Variants in TMEM120B observed in about 807,000 individuals in gnomAD.
TMEM120B encodes the protein transmembrane protein 120B.
In TMEM120B, 31 loss-of-function variants were observed where a neutral mutation model predicts 55.5. The observed-to-expected ratio is 0.56, with a 90% CI of 0.42 to 0.75. TMEM120B has a LOEUF of 0.75. Among genes scored for constraint, TMEM120B ranks in the 30% least tolerant of loss-of-function variants. The pLI, the probability that TMEM120B is intolerant of heterozygous loss-of-function variation, is 0.00. For missense variants in TMEM120B, 399 were observed against 425.5 expected (o/e 0.94, Z 0.55); for synonymous variants, 203 against 176.3 (o/e 1.15, Z -1.20).
At chr12:121,751,301 A>C (rs573801995) in intron 4 of TMEM120B, among the ~76,000 whole-genome samples, 1 of 31,248 alleles carries the variant, frequency 3.2e-5, no homozygotes, top group East Asian at 8.2e-4. Flanking sequence ...CCCACACCCC[A>C]CACCCACACC....
At chr12:121,725,937 T>C (rs780078927) in intron 1 of TMEM120B, among the ~76,000 whole-genome samples, 1 of 150,350 alleles carries the variant, frequency 6.7e-6, no homozygotes, top group Non-Finnish European at 1.5e-5. Context: ...CTGAGGAGGC[T>C]GAGGCAGGAG....
intron 1 of TMEM120B, among the ~76,000 whole-genome samples, chr12:121,730,612 C>T (rs1286471370): frequency 3.5e-5 from 5 of 144,652 alleles, no homozygotes; most frequent in African/African-American, 1.3e-4. Flanking sequence ...GATCACTCCA[C>T]TGCACTCCAG....
At chr12:121,742,151 C>A (rs898819603) in intron 1 of TMEM120B, among the ~76,000 whole-genome samples, 2 of 151,838 alleles carry the variant, frequency 1.3e-5, no homozygotes, top group Non-Finnish European at 2.9e-5. Context: ...TACAGGCATA[C>A]GCCACCATGC....
In TMEM120B at chr12:121,775,552, GCA is replaced by G; in HGVS notation, c.907-56_907-55del. ...TGCTGGAGATTCTGGGGTGCTGGGG[GCA>G]GGGGTTCAGCAGGGCAGATGCCCCA... is the stretch of plus-strand genomic sequence containing the variant. On this transcript the variant is annotated intron_variant, in intron 11 of 11. Coordinates refer to ENST00000449592, the MANE Select transcript of TMEM120B (RefSeq NM_001080825.2). This position sits in a 1 kb window ranked among gnomAD's most constrained non-coding sequence, Gnocchi z 4.3. 1.9e-6 allele frequency: 3 copies of G among 1,566,374 alleles called. No homozygotes were observed. In the South Asian group the frequency reaches 3.6e-5, roughly 19 times the overall value.
In TMEM120B at chr12:121,737,437, G is replaced by A. The variant is rs1177160887; in HGVS notation, c.70-6192G>A. On this transcript the variant is annotated intron_variant, in intron 1 of 11. Transcript: ENST00000449592. Reference sequence around the variant, plus strand: ...GGAGAATCACTTGAACCTAGGAGGCGGAGGTTGCAGTAAGCCGAGATTGTG... The same window carrying A: ...GGAGAATCACTTGAACCTAGGAGGCAGAGGTTGCAGTAAGCCGAGATTGTG... 8.6e-5 allele frequency among the ~76,000 whole-genome samples: 13 copies of A among 151,970 alleles called. No individual in the cohort carries two copies. The Middle Eastern group carries it at 0.017, about 199-fold the overall frequency.
intron 1 of TMEM120B, 67 bp downstream of exon 1, chr12:121,713,031 C>A (rs1000622514): frequency 2.9e-6 from 4 of 1,366,114 alleles, no homozygotes; most frequent in Admixed American, 3.2e-5. Flanking sequence ...CTTCCTGAGC[C>A]CCCCGGCCCG....
At chr12:121,770,879 G>A in intron 6 of TMEM120B, 28 bp from the exon 7 acceptor site, 1 of 1,612,132 alleles carries the variant, frequency 6.2e-7, no homozygotes, top group Non-Finnish European at 8.5e-7. Flanking sequence ...CCCCTCCTGA[G>A]CACTTTCCGT....
Position 121,771,561 on chromosome 12 carries a change from T to C in TMEM120B, c.679+12T>C. 2 of 1,613,202 alleles carry C rather than the reference T, an allele frequency of 1.2e-6. No individual in the cohort carries two copies. The highest frequency in any genetic ancestry group is 1.7e-6 in the Non-Finnish European group (2 of 1,179,200). Reference sequence around the variant, plus strand: ...TTCCATTTTTCAGAGTGAGTGACTGTTGCCTGGATTTGGGGGAAGGGACAT... The same window carrying C: ...TTCCATTTTTCAGAGTGAGTGACTGCTGCCTGGATTTGGGGGAAGGGACAT... On this transcript the variant is annotated intron_variant, in intron 8 of 11. Coordinates refer to ENST00000449592, the MANE Select transcript of TMEM120B (RefSeq NM_001080825.2).
intron 6 of TMEM120B, among the ~76,000 whole-genome samples, chr12:121,765,467 T>C (rs1873817743): frequency 1.3e-5 from 2 of 152,118 alleles, no homozygotes; most frequent in African/African-American, 4.8e-5. Context: ...ATGGCATATA[T>C]GGTTCAAGGA....
intron 1 of TMEM120B, among the ~76,000 whole-genome samples, chr12:121,727,992 C>A (rs1160387002): frequency 6.6e-6 from 1 of 151,244 alleles, no homozygotes; most frequent in Non-Finnish European, 1.5e-5. Flanking sequence ...CCATATTAAT[C>A]TGATTTTTGA....
At chr12:121,770,558 G>A (rs1874008017) in intron 6 of TMEM120B, among the ~76,000 whole-genome samples, 1 of 151,824 alleles carries the variant, frequency 6.6e-6, no homozygotes, top group South Asian at 2.1e-4. Flanking sequence ...GACCTGGTGG[G>A]GAGGACAGGA....
At chr12:121,714,663 G>C (rs1894664720) in intron 1 of TMEM120B, among the ~76,000 whole-genome samples, 1 of 148,790 alleles carries the variant, frequency 6.7e-6, no homozygotes, top group Non-Finnish European at 1.5e-5. Context: ...CCGGATTCAA[G>C]CGATTCTCCT....
At chr12:121,722,097 G>T in intron 1 of TMEM120B, among the ~76,000 whole-genome samples, 1 of 126,380 alleles carries the variant, frequency 7.9e-6, no homozygotes. Flanking sequence ...CACCACACCT[G>T]GCCTTTTTTT....
At chr12:121,736,195 C>T (rs776338064) in intron 1 of TMEM120B, among the ~76,000 whole-genome samples, 69 of 143,166 alleles carry the variant, frequency 4.8e-4, no homozygotes, top group Admixed American at 4.4e-3. Context: ...ATTTTTAAGA[C>T]GGCGTGTCTC....
intron 4 of TMEM120B, among the ~76,000 whole-genome samples, 168 bp downstream of exon 4, chr12:121,750,607 A>C (rs1195675036): frequency 2.7e-4 from 10 of 36,974 alleles, no homozygotes; most frequent in African/African-American, 5.1e-4. Context: ...CACCCACACC[A>C]ACACCAACAC....
intron 5 of TMEM120B, chr12:121,759,084 A>G (rs1279435417): frequency 1.1e-6 from 1 of 939,628 alleles, no homozygotes; most frequent in South Asian, 4.9e-5. Flanking sequence ...ATAGCTTAAC[A>G]CTGCAGACAA....
intron 1 of TMEM120B, among the ~76,000 whole-genome samples, chr12:121,726,597 A>AT (rs199727397): frequency 0.013 from 1,873 of 149,754 alleles, 49 homozygotes; most frequent in African/African-American, 0.04. Context: ...AAATAAAATA[A>AT]AATAATAATA....
intron 5 of TMEM120B, among the ~76,000 whole-genome samples, chr12:121,753,838 G>A (rs1342630884): frequency 6.6e-6 from 1 of 152,230 alleles, no homozygotes; most frequent in African/African-American, 2.4e-5. Flanking sequence ...CTGCCTCACA[G>A]GGCTGTGACA....
At chr12:121,736,324 G>C (rs11836090) in intron 1 of TMEM120B, among the ~76,000 whole-genome samples, 2 of 144,956 alleles carry the variant, frequency 1.4e-5, no homozygotes, top group African/African-American at 5.3e-5. Context: ...CTAATTGTTT[G>C]GTGTTTTTTT....
Sources: allele counts gnomAD v4.1 joint callset (sites outside exome capture counted in the v4.1 genomes callset), GRCh38; gene constraint gnomAD v4.1.1; non-coding constraint Gnocchi (gnomAD v3.1); transcripts MANE v1.5; gene names NCBI Gene and HGNC (gene_info 2026-07-23, HGNC 2026-07-21).